Variants in SHROOM2 observed in about 807,000 individuals in gnomAD.
SHROOM2 encodes shroom family member 2.
A neutral mutation model predicts 75.9 loss-of-function variants in SHROOM2; 33 were observed. The ratio of observed to expected loss-of-function variants is 0.43; its 90% CI spans 0.33 to 0.58. The LOEUF (loss-of-function observed/expected upper bound fraction) is 0.58, where lower values mean the gene tolerates loss of function less well. Ranked by LOEUF, SHROOM2 falls within the 20% of genes least tolerant of loss-of-function variation. The pLI is 0.04. For synonymous variants in SHROOM2, 655 were observed against 663.6 expected (o/e 0.99, Z 0.20); for missense variants, 1,434 against 1,461.2 (o/e 0.98, Z 0.30).
chrX:9,836,307 C>T (rs753752247), intron 1 of SHROOM2, among the ~76,000 whole-genome samples: 21 of 111,995 alleles, frequency 1.9e-4, no homozygotes, highest in African/African-American at 6.2e-4. Context: ...AGCATAGTGT[C>T]TGGAGTCTGC....
intron 1 of SHROOM2, among the ~76,000 whole-genome samples, chrX:9,864,693 C>T (rs1187787651): frequency 1.2e-4 from 13 of 107,819 alleles, no homozygotes; most frequent in Admixed American, 9.8e-4. Flanking sequence ...GGCGTAGTGG[C>T]GGGCGCCTGT....
intron 1 of SHROOM2, among the ~76,000 whole-genome samples, chrX:9,836,791 A>T (rs1483668445): frequency 9.0e-6 from 1 of 111,122 alleles, no homozygotes; most frequent in Non-Finnish European, 1.9e-5. Context: ...GTGAGTTCAA[A>T]GGTGTGCATC....
At chrX:9,924,751 G>A (rs1333441977) in intron 5 of SHROOM2, among the ~76,000 whole-genome samples, 1 of 111,630 alleles carries the variant, frequency 9.0e-6, no homozygotes, top group Non-Finnish European at 1.9e-5. Flanking sequence ...GAACTCCCAG[G>A]GTCAAGCAAT....
intron 1 of SHROOM2, among the ~76,000 whole-genome samples, chrX:9,827,379 C>T (rs775426140): frequency 4.6e-5 from 5 of 108,142 alleles, no homozygotes; most frequent in Middle Eastern, 4.7e-3. Context: ...TGAGCCACCA[C>T]GCCCAGCTAG....
intron 1 of SHROOM2, among the ~76,000 whole-genome samples, chrX:9,833,654 G>A (rs1359538846): frequency 6.5e-5 from 7 of 108,072 alleles, no homozygotes; most frequent in Admixed American, 4.0e-4. Flanking sequence ...GTGCATGCAC[G>A]TGCACACATG....
chrX:9,827,929 AG>A (rs2083896471), intron 1 of SHROOM2, among the ~76,000 whole-genome samples: 1 of 112,198 alleles, frequency 8.9e-6, no homozygotes, highest in South Asian at 3.7e-4. Context: ...CAGCAGCATC[AG>A]CTTCCTCTGG....
chrX:9,872,568 A>G (rs1229637071), intron 1 of SHROOM2, among the ~76,000 whole-genome samples: 1 of 112,013 alleles, frequency 8.9e-6, no homozygotes, highest in Admixed American at 9.5e-5. Context: ...TGTCTCAAAA[A>G]AAAGAAAAAA....
intron 7 of SHROOM2, among the ~76,000 whole-genome samples, chrX:9,937,959 A>G (rs1361426225): frequency 9.0e-6 from 1 of 111,310 alleles, no homozygotes; most frequent in Admixed American, 9.5e-5. Flanking sequence ...GATGATGCCC[A>G]CAGGTCTCCT....
intron 1 of SHROOM2, among the ~76,000 whole-genome samples, chrX:9,860,460 G>C (rs899888985): frequency 9.0e-6 from 1 of 111,340 alleles, no homozygotes; most frequent in Non-Finnish European, 1.9e-5. Context: ...GTCTCACTCT[G>C]TCACCCAGGC....
chrX:9,944,712 C>T lies in SHROOM2; in HGVS notation c.4383C>T (p.Asp1461=), dbSNP rs61741856. The change falls in exon 9 of 10, where the codon GAC becomes GAT. Residue 1461 remains aspartate, a synonymous_variant. Transcript: ENST00000380913. The stretch of plus-strand genomic sequence containing the variant: ...AGGCCCGCGAGAGCCTGCTGGAGGA[C>T]GTGCAGGCCAACACCGTGCTGGGGG... ...LREARESLLE[D]VQANTVLGAE... The T allele has an allele frequency of 6.6e-3, 7,976 of 1,210,183 alleles. 35 individuals are homozygous for T. The highest frequency in any genetic ancestry group is 7.1e-3 in the Non-Finnish European group (6,325 of 895,055).
intron 1 of SHROOM2, among the ~76,000 whole-genome samples, chrX:9,792,014 T>G (rs748880596): frequency 0.017 from 4 of 229 alleles, no homozygotes; most frequent in Non-Finnish European, 0.14. Flanking sequence ...TAGAATAGAA[T>G]AGAATAGAAT....
At chrX:9,842,245 CTTG>C (rs1417531957) in intron 1 of SHROOM2, among the ~76,000 whole-genome samples, 1 of 110,855 alleles carries the variant, frequency 9.0e-6, no homozygotes, top group Non-Finnish European at 1.9e-5. Context: ...TTCCTCTTAA[CTTG>C]TTGTTTTACT....
intron 5 of SHROOM2, among the ~76,000 whole-genome samples, chrX:9,909,307 A>G (rs942955811): frequency 8.9e-6 from 1 of 112,737 alleles, no homozygotes; most frequent in African/African-American, 3.2e-5. Flanking sequence ...CACAGCCCAG[A>G]CTGATACGCA....
intron 6 of SHROOM2, among the ~76,000 whole-genome samples, chrX:9,933,180 G>C (rs181702184): frequency 9.0e-6 from 1 of 110,920 alleles, no homozygotes; most frequent in Non-Finnish European, 1.9e-5. Flanking sequence ...CAGGGTAGAG[G>C]TCTGTTTTTT....
chrX:9,935,310 T>TTTATTATTATTA (rs201503800), intron 6 of SHROOM2, among the ~76,000 whole-genome samples: 1,617 of 99,141 alleles, frequency 0.016, 33 homozygotes, highest in East Asian at 0.086. Flanking sequence ...TCCTCCTTCT[T>TTTATTATTATTA]TTATTATTAT....
chrX:9,813,306 G>T (rs975751553), intron 1 of SHROOM2, among the ~76,000 whole-genome samples: 1 of 110,728 alleles, frequency 9.0e-6, no homozygotes, highest in Admixed American at 9.7e-5. Flanking sequence ...GGATGAGTCT[G>T]GGGACCCACT....
At chrX:9,880,449 G>T (rs1244403802) in intron 2 of SHROOM2, among the ~76,000 whole-genome samples, 5 of 113,481 alleles carry the variant, frequency 4.4e-5, no homozygotes, top group African/African-American at 1.6e-4. Flanking sequence ...TGCACTGGCC[G>T]CTTTGTCCAG....
intron 8 of SHROOM2, among the ~76,000 whole-genome samples, chrX:9,941,509 T>G (rs1006750411): frequency 1.8e-5 from 2 of 112,069 alleles, no homozygotes; most frequent in African/African-American, 3.2e-5. Context: ...GGAAATGGTT[T>G]CAATAAAAAT....
At chrX:9,914,395 T>C (rs1428504432) in intron 5 of SHROOM2, among the ~76,000 whole-genome samples, 1 of 109,768 alleles carries the variant, frequency 9.1e-6, no homozygotes, top group Non-Finnish European at 1.9e-5. Flanking sequence ...TTGGAATACA[T>C]TTACTTTACA....
Sources: allele counts gnomAD v4.1 joint callset (sites outside exome capture counted in the v4.1 genomes callset), GRCh38; gene constraint gnomAD v4.1.1; transcripts MANE v1.5; gene names NCBI Gene and HGNC (gene_info 2026-07-23, HGNC 2026-07-21).